Variants in CD300LG observed in about 807,000 individuals in gnomAD.
CD300LG encodes the protein CMRF35-like molecule 9.
In CD300LG, 29 loss-of-function variants were observed where a neutral mutation model predicts 31.5. That is an observed-to-expected ratio of 0.92 (90% CI 0.68 to 1.25). The LOEUF (loss-of-function observed/expected upper bound fraction) is 1.25, where lower values mean the gene tolerates loss of function less well. Among genes scored for constraint, CD300LG ranks in the 50% most tolerant of loss-of-function variants. CD300LG has a pLI of 0.00. For missense variants in CD300LG, 396 were observed against 417.6 expected (o/e 0.95, Z 0.45); for synonymous variants, 175 against 177.2 (o/e 0.99, Z 0.10).
chr17:43,856,693 A>C (rs989916426), intron 5 of CD300LG, among the ~76,000 whole-genome samples: 1 of 152,076 alleles, frequency 6.6e-6, no homozygotes, highest in Non-Finnish European at 1.5e-5. Context: ...TTGCATCTCA[A>C]ACTTTGATTG....
At chr17:43,857,292 G>T in intron 6 of CD300LG, 136 bp downstream of exon 6, 1 of 1,438,074 alleles carries the variant, frequency 7.0e-7, no homozygotes, top group Non-Finnish European at 9.5e-7. Flanking sequence ...TCCCCACCTT[G>T]GAGGAATGTG....
At chr17:43,857,973 C>A in intron 6 of CD300LG, 2 of 1,513,188 alleles carry the variant, frequency 1.3e-6, no homozygotes, top group Non-Finnish European at 1.8e-6. Flanking sequence ...ACTGTGCCCT[C>A]CGAGGCCAGC....
rs1450708500 is a variant in CD300LG at position 43,855,449 on chromosome 17, C to G, written c.832+130C>G. The G allele has an allele frequency of 1.1e-5, 6 of 532,720 alleles. No homozygotes were observed. The African/African-American group carries it at 1.2e-4, about 10-fold the overall frequency. The allele number at this position is 532,720 out of a possible 1,614,324, so 33.0% of individuals were successfully genotyped here. On this transcript the variant is annotated intron_variant, in intron 5 of 6. Transcript: ENST00000317310. Reference sequence around the variant, plus strand: ...GCGTGTCTGTCTGAGATATGAGCATCAGGAGCTGTGGCCTCCCTTCTGAAG... The same window carrying G: ...GCGTGTCTGTCTGAGATATGAGCATGAGGAGCTGTGGCCTCCCTTCTGAAG...
chr17:43,848,925 G>A (rs754763095), intron 2 of CD300LG, 32 bp downstream of exon 2: 4 of 1,583,570 alleles, frequency 2.5e-6, no homozygotes, highest in Non-Finnish European at 3.5e-6. Context: ...CCAGGCTGGG[G>A]ACAGGAGCTG....
At chr17:43,861,682 G>A (rs2046656167) in intron 6 of CD300LG, 116 bp from the exon 7 acceptor site, 1 of 609,134 alleles carries the variant, frequency 1.6e-6, no homozygotes, top group African/African-American at 1.9e-5. Flanking sequence ...ATGGACGGAG[G>A]GCTGGAACTT....
In CD300LG at chr17:43,857,543, C is replaced by T. The variant is rs544918013; in HGVS notation, c.885+387C>T. ...ACTTTTCTCTCAGTTTGAAGCAAAT[C>T]GCCTTTCAGAACGCCCAGGGGTCAG... On this transcript the variant is annotated intron_variant, in intron 6 of 6. Coordinates refer to ENST00000317310, the MANE Select transcript of CD300LG (RefSeq NM_145273.4). 43 of 1,445,728 alleles carry T rather than the reference C, an allele frequency of 3.0e-5. No individual in the cohort carries two copies. The South Asian group carries it at 3.9e-4, about 13-fold the overall frequency. 89.6% of individuals were successfully genotyped at this position (1,445,728 alleles called of 1,614,324 possible).
At chr17:43,859,141 C>T (rs1257307520) in intron 6 of CD300LG, among the ~76,000 whole-genome samples, 5 of 152,160 alleles carry the variant, frequency 3.3e-5, no homozygotes, top group East Asian at 1.9e-4. Flanking sequence ...TCCTCCACCC[C>T]GCTGCACTGA....
rs889140352 is a variant in CD300LG at position 43,848,823 on chromosome 17, G to A, written c.309G>A (p.Gly103=). Residue 103 remains glycine (G), a synonymous_variant, in exon 2 of 7, where the codon GGG becomes GGA. Coordinates refer to ENST00000317310, the MANE Select transcript of CD300LG (RefSeq NM_145273.4). ...TLWNLTLQDA[G]EYWCGVEKRG... ...GGAACCTCACCCTGCAAGACGCTGGGGAGTACTGGTGTGGGGTCGAAAAAC... is the reference window on the plus strand; with the variant it reads ...GGAACCTCACCCTGCAAGACGCTGGAGAGTACTGGTGTGGGGTCGAAAAAC... 1 of 1,614,168 alleles carries A rather than the reference G, an allele frequency of 6.2e-7. No individual in the cohort carries two copies. Among genetic ancestry groups the A allele is most frequent in the African/African-American group, 1.3e-5 (1 of 75,040 alleles).
At chr17:43,849,171 C>G (rs550788947) in intron 2 of CD300LG, 1 of 546,212 alleles carries the variant, frequency 1.8e-6, no homozygotes, top group Admixed American at 3.3e-5. Flanking sequence ...TCCTTTCTGC[C>G]CAGGTGTGCT....
intron 5 of CD300LG, among the ~76,000 whole-genome samples, chr17:43,856,745 T>C (rs1483002862): frequency 1.3e-5 from 2 of 152,168 alleles, no homozygotes; most frequent in Admixed American, 1.3e-4. Context: ...CTGTTAGAAA[T>C]GCAGACCCTC....
At chr17:43,859,690 T>G (rs1362122673) in intron 6 of CD300LG, among the ~76,000 whole-genome samples, 2 of 152,116 alleles carry the variant, frequency 1.3e-5, no homozygotes, top group Non-Finnish European at 2.9e-5. Flanking sequence ...AGGTCTGCCC[T>G]GCACCAAGGC....
chr17:43,858,028 G>A (rs1316972721), intron 6 of CD300LG: 2 of 1,444,646 alleles, frequency 1.4e-6, no homozygotes, highest in African/African-American at 1.4e-5. Flanking sequence ...GGCAACAGAA[G>A]CCCCTCCTGG....
At chr17:43,855,543 C>T (rs2046495008) in intron 5 of CD300LG, 2 of 443,536 alleles carry the variant, frequency 4.5e-6, no homozygotes, top group South Asian at 8.0e-5. Context: ...GGGTTCTCAG[C>T]TTCTTCCTGC....
chr17:43,851,687 C>T (rs767414590), intron 2 of CD300LG, among the ~76,000 whole-genome samples: 2 of 137,980 alleles, frequency 1.4e-5, no homozygotes, highest in East Asian at 2.2e-4. Context: ...CTCGCTCTGT[C>T]GCCCAGGCTG....
intron 2 of CD300LG, among the ~76,000 whole-genome samples, chr17:43,851,133 CAA>C (rs777282117): frequency 7.4e-5 from 3 of 40,616 alleles, no homozygotes; most frequent in Non-Finnish European, 1.0e-4. Context: ...GACTCAGTCT[CAA>C]AAAAAAAAAA....
rs202070685 is a variant in CD300LG, at chr17:43,848,893, G to A, written c.379G>A (p.Gly127Arg). The A allele has an allele frequency of 6.2e-7, 1 of 1,605,710 alleles. No homozygotes were observed. Among genetic ancestry groups the A allele is most frequent in the East Asian group, 2.2e-5 (1 of 44,664 alleles). Residue 127 changes from glycine to arginine, a missense_variant and splice_region_variant, in exon 2 of 7, where the codon GGA becomes AGA. Transcript: ENST00000317310. ...ACTGATCTCTCTGTTCGTCTTTCCA[G>A]GTAACAGATATCTCTCCTTCCCCAG... Reference protein sequence around the residue: ...SLLISLFVFPGPCCPPSPSPT... With the variant: ...SLLISLFVFPRPCCPPSPSPT...
chr17:43,850,685 C>T (rs1237267075), intron 2 of CD300LG, among the ~76,000 whole-genome samples: 4 of 151,990 alleles, frequency 2.6e-5, no homozygotes, highest in Admixed American at 1.3e-4. Context: ...GCCATATTGG[C>T]CTGTCTGGTC....
At position 43,857,222 on chromosome 17, in the gene CD300LG, G is replaced by T. The variant is rs1227235562; in HGVS notation, c.885+66G>T. 3 of 1,586,308 alleles carry T rather than the reference G, an allele frequency of 1.9e-6. No homozygotes were observed. The East Asian group carries it at 6.7e-5, about 36-fold the overall frequency. ...TTGGGGCTGGAAGTCAAGATTCCTG[G>T]GCTTTGCCTCTGTGACTTCCTACCT... On this transcript the variant is annotated intron_variant, in intron 6 of 6. Transcript: ENST00000317310.
At chr17:43,857,034 T>C in intron 5 of CD300LG, 70 bp from the exon 6 acceptor site, 3 of 1,507,160 alleles carry the variant, frequency 2.0e-6, no homozygotes, top group Non-Finnish European at 2.8e-6. Flanking sequence ...TCCACCTTTC[T>C]GGGAGCAGCT....
Sources: allele counts gnomAD v4.1 joint callset (sites outside exome capture counted in the v4.1 genomes callset), GRCh38; gene constraint gnomAD v4.1.1; transcripts MANE v1.5; gene names NCBI Gene and HGNC (gene_info 2026-07-23, HGNC 2026-07-21).